LRRIQ3: variants seen among roughly 807,000 people sequenced by gnomAD.
The protein encoded by LRRIQ3 is leucine-rich repeat and IQ domain-containing protein 3.
Under a neutral mutation model 59.3 loss-of-function variants are expected in LRRIQ3, and 75 were observed. The ratio of observed to expected loss-of-function variants is 1.26; its 90% CI spans 1.05 to 1.53. The LOEUF (loss-of-function observed/expected upper bound fraction) is 1.53, where lower values mean the gene tolerates loss of function less well. Among genes scored for constraint, LRRIQ3 ranks in the 40% most tolerant of loss-of-function variants. The pLI, the probability that LRRIQ3 is intolerant of heterozygous loss-of-function variation, is 0.00. For missense variants in LRRIQ3, 831 were observed against 710.0 expected (o/e 1.17, Z -1.94); for synonymous variants, 250 against 231.3 (o/e 1.08, Z -0.73).
At chr1:74,095,515 G>A (rs1646439472) in intron 5 of LRRIQ3, among the ~76,000 whole-genome samples, 2 of 152,058 alleles carry the variant, frequency 1.3e-5, no homozygotes, top group Non-Finnish European at 1.5e-5. Flanking sequence ...AGGCATATGT[G>A]TTGTGAACTA....
intron 3 of LRRIQ3, among the ~76,000 whole-genome samples, chr1:74,162,520 G>T (rs550122741): frequency 6.6e-6 from 1 of 151,836 alleles, no homozygotes; most frequent in South Asian, 2.1e-4. Flanking sequence ...ACATGCAAAA[G>T]AATATTAAGG....
chr1:74,099,833 A>G (rs180841118), intron 5 of LRRIQ3, among the ~76,000 whole-genome samples: 2 of 152,210 alleles, frequency 1.3e-5, no homozygotes, highest in African/African-American at 2.4e-5. Context: ...AGATGCAGAA[A>G]AGGCCTTTGA....
At chr1:74,045,559 C>T (rs1654176335) in intron 6 of LRRIQ3, among the ~76,000 whole-genome samples, 1 of 152,054 alleles carries the variant, frequency 6.6e-6, no homozygotes, top group Non-Finnish European at 1.5e-5. Context: ...ACAAGACAAG[C>T]TTGCCCTCTC....
intron 4 of LRRIQ3, among the ~76,000 whole-genome samples, chr1:74,119,971 A>C (rs1250474000): frequency 6.6e-6 from 1 of 152,144 alleles, no homozygotes; most frequent in Non-Finnish European, 1.5e-5. Context: ...AATTGAAATC[A>C]CTTATGTTTA....
At chr1:74,058,779 T>G (rs781110998) in intron 6 of LRRIQ3, among the ~76,000 whole-genome samples, 1 of 152,086 alleles carries the variant, frequency 6.6e-6, no homozygotes, top group Non-Finnish European at 1.5e-5. Flanking sequence ...CTAATTATGC[T>G]ATTGATCACT....
chr1:74,168,951 CACTT>C (rs559437713), intron 3 of LRRIQ3, among the ~76,000 whole-genome samples: 194 of 152,222 alleles, frequency 1.3e-3, no homozygotes, highest in African/African-American at 4.6e-3. Context: ...GAGATCTACT[CACTT>C]AATAAACTTT....
chr1:74,059,976 G>A (rs972884684), intron 6 of LRRIQ3, among the ~76,000 whole-genome samples: 10 of 151,104 alleles, frequency 6.6e-5, no homozygotes, highest in South Asian at 6.3e-4. Context: ...CAAATTATTC[G>A]CTATATAATT....
intron 4 of LRRIQ3, among the ~76,000 whole-genome samples, chr1:74,113,979 A>G (rs1570137774): frequency 6.6e-6 from 1 of 151,658 alleles, no homozygotes; most frequent in African/African-American, 2.4e-5. Flanking sequence ...CTCTATATAT[A>G]TACACACAAC....
In LRRIQ3 at chr1:74,056,566, A is replaced by G. The variant is rs184358593; in HGVS notation, c.998-14633T>C. Among the ~76,000 whole-genome samples the G allele has an allele frequency of 3.9e-4, 59 of 152,324 alleles. No individual in the cohort carries two copies. The East Asian group carries it at 0.01, about 26-fold the overall frequency. On this transcript the variant is annotated intron_variant, in intron 6 of 7. Coordinates refer to ENST00000354431, the MANE Select transcript of LRRIQ3 (RefSeq NM_001105659.2). ...ACAAAAATCAGTAGTGTTTTAATACACCAATAGTGAACTGTCTGAATAATA... is the reference window on the plus strand; with the variant it reads ...ACAAAAATCAGTAGTGTTTTAATACGCCAATAGTGAACTGTCTGAATAATA...
chr1:74,045,677 G>C (rs964456407), intron 6 of LRRIQ3, among the ~76,000 whole-genome samples: 1 of 152,146 alleles, frequency 6.6e-6, no homozygotes, highest in Non-Finnish European at 1.5e-5. Context: ...AATTGTCTCT[G>C]TTTGCAGATG....
chr1:74,141,769 G>A (rs1261093357), intron 4 of LRRIQ3, among the ~76,000 whole-genome samples: 1 of 151,362 alleles, frequency 6.6e-6, no homozygotes, highest in Admixed American at 6.6e-5. Context: ...ATATTATTTT[G>A]GTAAAATATT....
At chr1:74,027,030 C>T in intron 7 of LRRIQ3, 61 bp from the exon 8 acceptor site, 1 of 1,083,336 alleles carries the variant, frequency 9.2e-7, no homozygotes, top group Middle Eastern at 3.1e-4. Context: ...CCATGGCAAT[C>T]TATTAGACTA....
chr1:74,085,297 G>T (rs78841079), intron 5 of LRRIQ3, among the ~76,000 whole-genome samples: 1 of 143,524 alleles, frequency 7.0e-6, no homozygotes, highest in Admixed American at 7.1e-5. Flanking sequence ...TCCTATGTGC[G>T]TATCACTATG....
chr1:74,042,893 A>C (rs935228229), intron 6 of LRRIQ3, among the ~76,000 whole-genome samples: 3 of 152,082 alleles, frequency 2.0e-5, no homozygotes, highest in Non-Finnish European at 4.4e-5. Context: ...TCCACTACGT[A>C]GAGATGAGAA....
At chr1:74,098,593 G>A (rs1168126097) in intron 5 of LRRIQ3, among the ~76,000 whole-genome samples, 1 of 152,218 alleles carries the variant, frequency 6.6e-6, no homozygotes, top group East Asian at 1.9e-4. Context: ...CAGATCAACA[G>A]AATATACATT....
At chr1:74,088,653 C>A (rs1646358053) in intron 5 of LRRIQ3, among the ~76,000 whole-genome samples, 1 of 151,686 alleles carries the variant, frequency 6.6e-6, no homozygotes, top group Non-Finnish European at 1.5e-5. Flanking sequence ...TACCTCACAC[C>A]ACATGAAAAT....
intron 4 of LRRIQ3, among the ~76,000 whole-genome samples, chr1:74,119,059 G>A (rs1046969800): frequency 5.3e-5 from 8 of 152,072 alleles, no homozygotes; most frequent in Non-Finnish European, 7.4e-5. Context: ...ACTGAGCACC[G>A]TAGCCTAGCT....
intron 1 of LRRIQ3, among the ~76,000 whole-genome samples, chr1:74,196,707 C>T: frequency 6.6e-6 from 1 of 152,120 alleles, no homozygotes; most frequent in Non-Finnish European, 1.5e-5. Flanking sequence ...CCATTAATTC[C>T]ATCAGCACAT....
chr1:74,073,178 T>C (rs1241913448), intron 6 of LRRIQ3, among the ~76,000 whole-genome samples: 1 of 152,122 alleles, frequency 6.6e-6, no homozygotes, highest in East Asian at 1.9e-4. Context: ...ACCGTTGATA[T>C]CTATGTTCCA....
Sources: allele counts gnomAD v4.1 joint callset (sites outside exome capture counted in the v4.1 genomes callset), GRCh38; gene constraint gnomAD v4.1.1; transcripts MANE v1.5; gene names NCBI Gene and HGNC (gene_info 2026-07-23, HGNC 2026-07-21).